Variants in PAX5 observed in about 807,000 individuals in gnomAD.
PAX5 encodes paired box protein Pax-5.
In PAX5, 9 loss-of-function variants were observed where a neutral mutation model predicts 43.7. The ratio of observed to expected loss-of-function variants is 0.21; its 90% CI spans 0.12 to 0.36. The LOEUF (loss-of-function observed/expected upper bound fraction) is 0.36, where lower values mean the gene tolerates loss of function less well. PAX5 is among the 10% of genes least tolerant of loss of function. The pLI is 1.00. For synonymous variants in PAX5, 228 were observed against 214.3 expected, an observed-to-expected ratio of 1.06 and a Z score of -0.56; for missense variants, 383 against 532.7, an observed-to-expected ratio of 0.72 and a Z score of 2.77.
chr9:37,028,469 T>C (rs566262987), intron 1 of PAX5, among the ~76,000 whole-genome samples: 1 of 152,298 alleles, frequency 6.6e-6, no homozygotes, highest in Non-Finnish European at 1.5e-5. Context: ...CTCACACTCC[T>C]TTAAAGTTAG....
chr9:36,896,619 G>A (rs539027286), intron 7 of PAX5, among the ~76,000 whole-genome samples: 5 of 152,258 alleles, frequency 3.3e-5, no homozygotes, highest in Admixed American at 1.3e-4. Context: ...TGCCAGGGCC[G>A]AACTATCTCA....
intron 5 of PAX5, among the ~76,000 whole-genome samples, chr9:36,999,719 C>T (rs1461233777): frequency 6.6e-6 from 1 of 152,208 alleles, no homozygotes; most frequent in African/African-American, 2.4e-5. Flanking sequence ...GGCCAGAACC[C>T]TCACAAATCC....
At chr9:36,950,735 C>CTTT (rs55801947) in intron 6 of PAX5, among the ~76,000 whole-genome samples, 25 of 116,674 alleles carry the variant, frequency 2.1e-4, no homozygotes, top group Non-Finnish European at 3.0e-4. Context: ...ACTGAGTTTT[C>CTTT]TTTTTTTTTT....
chr9:36,906,347 C>T (rs1270602333), intron 7 of PAX5, among the ~76,000 whole-genome samples: 1 of 152,134 alleles, frequency 6.6e-6, no homozygotes, highest in Non-Finnish European at 1.5e-5. Context: ...GAGTCACAGA[C>T]AGAAGATGTG....
In PAX5 at chr9:36,966,618, C is replaced by T. The variant is rs1564019390; in HGVS notation, c.711G>A (p.Leu237=). 1 of 1,614,222 alleles carries T rather than the reference C, an allele frequency of 6.2e-7. No homozygotes were observed. ...DLFTQQQLEV[L]DRVFERQHYS... ...AGTGCTGCCTCTCAAACACGCGGTC[C>T]AGCACCTCCAGCTGCTGCTGTGTGA... Residue 237 remains leucine (L), a synonymous_variant, in exon 6 of 10, where the codon CTG becomes CTA. Transcript: ENST00000358127.
intron 8 of PAX5, among the ~76,000 whole-genome samples, chr9:36,873,074 C>A (rs571578900): frequency 6.6e-6 from 1 of 152,366 alleles, no homozygotes; most frequent in South Asian, 2.1e-4. Context: ...CACAGACTGG[C>A]AAACTCACTC....
In PAX5 at chr9:36,838,551, G is replaced by A. The variant is rs1821806129; in HGVS notation, c.*2009C>T. ...GAAGTCTGCTTTTTCTCCCTGCATG[G>A]TCCTGGCCTTCCCCAAGCTGGGCCT... is the stretch of plus-strand genomic sequence containing the variant. On this transcript the variant is annotated 3_prime_UTR_variant, in exon 10 of 10. Transcript: ENST00000358127. The A allele has an allele frequency of 1.3e-5, 3 of 233,100 alleles. No homozygotes were observed. In the East Asian group the frequency reaches 1.8e-4, roughly 14 times the overall value. The allele number at this position is 233,100 out of a possible 1,614,324, so 14.4% of individuals were successfully genotyped here.
At chr9:36,873,755 C>T (rs927226737) in intron 8 of PAX5, among the ~76,000 whole-genome samples, 10 of 152,192 alleles carry the variant, frequency 6.6e-5, no homozygotes, top group East Asian at 1.9e-4. Flanking sequence ...CACCAGTGTC[C>T]GCTGGACCCT....
rs934975928 is a variant in PAX5, at chr9:36,835,854, G to A, written c.*4706C>T. Reference sequence around the variant, plus strand: ...AGCCCTGTGGGATCCACCCATGCCTGCCTGGGCCTGGCCTGGCCGTGGGGC... The same window carrying A: ...AGCCCTGTGGGATCCACCCATGCCTACCTGGGCCTGGCCTGGCCGTGGGGC... On this transcript the variant is annotated 3_prime_UTR_variant, in exon 10 of 10. Transcript: ENST00000358127. 2 of 233,332 alleles carry A rather than the reference G, an allele frequency of 8.6e-6. No individual in the cohort carries two copies. The highest frequency in any genetic ancestry group is 1.1e-4 in the Admixed American group (2 of 17,782). The allele number at this position is 233,332 out of a possible 1,614,324, so 14.5% of individuals were successfully genotyped here.
intron 5 of PAX5, among the ~76,000 whole-genome samples, chr9:36,994,723 C>T (rs1346076438): frequency 6.6e-6 from 1 of 152,208 alleles, no homozygotes; most frequent in Non-Finnish European, 1.5e-5. Context: ...ATGACTGTTG[C>T]CTTGTGGGTT....
intron 6 of PAX5, among the ~76,000 whole-genome samples, chr9:36,932,441 A>G (rs1420171335): frequency 6.6e-6 from 1 of 152,256 alleles, no homozygotes; most frequent in East Asian, 1.9e-4. Context: ...ATGTTACAAC[A>G]TGGATGAATC....
chr9:37,033,858 C>T (rs910248516), intron 1 of PAX5, 128 bp downstream of exon 1: 5 of 726,780 alleles, frequency 6.9e-6, no homozygotes, highest in African/African-American at 3.5e-5. Flanking sequence ...ATAACAAACA[C>T]GCCGCAGTTA....
intron 5 of PAX5, among the ~76,000 whole-genome samples, chr9:36,997,096 T>G (rs556422421): frequency 3.3e-5 from 5 of 151,592 alleles, no homozygotes; most frequent in Non-Finnish European, 5.9e-5. Context: ...AAAAAGGAAG[T>G]CATAATGGGA....
chr9:37,004,001 G>C (rs1180999336), intron 4 of PAX5, among the ~76,000 whole-genome samples: 2 of 152,238 alleles, frequency 1.3e-5, no homozygotes, highest in African/African-American at 2.4e-5. Context: ...ACAGCCCAGA[G>C]TGCTATTATT....
At chr9:36,855,476 T>C (rs750424267) in intron 8 of PAX5, among the ~76,000 whole-genome samples, 2 of 151,144 alleles carry the variant, frequency 1.3e-5, no homozygotes, top group Non-Finnish European at 3.0e-5. Flanking sequence ...CCTGCCCTCA[T>C]CTAAGCAAAC....
intron 2 of PAX5, among the ~76,000 whole-genome samples, chr9:37,019,527 G>T (rs1588245528): frequency 6.6e-6 from 1 of 152,232 alleles, no homozygotes. Context: ...GTTATTAGAA[G>T]CTGTTGCTCC....
chr9:36,866,974 C>G (rs897387761), intron 8 of PAX5, among the ~76,000 whole-genome samples: 1 of 151,378 alleles, frequency 6.6e-6, no homozygotes, highest in East Asian at 2.0e-4. Flanking sequence ...GCAAGGCCCT[C>G]GGCTAGGGCC....
intron 8 of PAX5, among the ~76,000 whole-genome samples, chr9:36,855,794 C>A (rs77108139): frequency 2.0e-5 from 3 of 152,228 alleles, no homozygotes; most frequent in Non-Finnish European, 4.4e-5. Flanking sequence ...ACCTACTCCA[C>A]GGGGCCGTTT....
At chr9:37,031,240 G>A (rs1036873727) in intron 1 of PAX5, among the ~76,000 whole-genome samples, 13 of 152,202 alleles carry the variant, frequency 8.5e-5, no homozygotes, top group South Asian at 2.1e-4. Flanking sequence ...GGCCAGGGGC[G>A]CTGGGACTAC....
Sources: gnomAD v4.1 joint callset for allele counts (sites outside exome capture counted in the v4.1 genomes callset) on GRCh38, gnomAD v4.1.1 for gene constraint, MANE v1.5 for transcripts, NCBI Gene and HGNC (gene_info 2026-07-23, HGNC 2026-07-21) for gene names.